KCNQ5: variants seen among roughly 807,000 people sequenced by gnomAD.
The protein encoded by KCNQ5 is potassium voltage-gated channel subfamily KQT member 5.
In KCNQ5, 30 loss-of-function variants were observed where a neutral mutation model predicts 98.2. That is an observed-to-expected ratio of 0.31 (90% CI 0.23 to 0.41). KCNQ5 has a LOEUF of 0.41. KCNQ5 is among the 10% of genes least tolerant of loss of function. The probability of loss-of-function intolerance (pLI) is 1.00; values close to 1 mark genes in which losing one functional copy is unlikely to be tolerated. For missense variants in KCNQ5, 835 were observed against 1,182.5 expected (o/e 0.71, Z 4.31); for synonymous variants, 458 against 449.4 (o/e 1.02, Z -0.24).
intron 1 of KCNQ5, among the ~76,000 whole-genome samples, chr6:72,787,794 G>A (rs1773832581): frequency 6.6e-6 from 1 of 152,112 alleles, no homozygotes; most frequent in South Asian, 2.1e-4. Flanking sequence ...AACTTAATCA[G>A]CTCCTCTATT....
At chr6:73,061,558 T>G (rs1339964611) in intron 3 of KCNQ5, among the ~76,000 whole-genome samples, 4 of 152,134 alleles carry the variant, frequency 2.6e-5, no homozygotes, top group African/African-American at 9.7e-5. Context: ...AGAGGGACAA[T>G]GCCAAAGATA....
At position 73,057,372 on chromosome 6, in the gene KCNQ5, C is replaced by T. The variant is rs970131488; in HGVS notation, c.616+15310C>T. Reference sequence around the variant, plus strand: ...GGAGGGATAGCATTAGGAGATATACCTAATGTAAATGACAAGTTAATGGGT... The same window carrying T: ...GGAGGGATAGCATTAGGAGATATACTTAATGTAAATGACAAGTTAATGGGT... On this transcript the variant is annotated intron_variant, in intron 3 of 13. Transcript: ENST00000370398. Among the ~76,000 whole-genome samples, 4 of 151,582 alleles carry T rather than the reference C, an allele frequency of 2.6e-5. No individual in the cohort carries two copies. The South Asian group carries it at 6.3e-4, about 24-fold the overall frequency.
At chr6:73,109,258 A>T (rs1007679299) in intron 6 of KCNQ5, among the ~76,000 whole-genome samples, 61 of 152,336 alleles carry the variant, frequency 4.0e-4, no homozygotes, top group African/African-American at 1.4e-3. Context: ...TTGGCAGATG[A>T]TAAATTTGTG....
chr6:72,716,406 C>G (rs9293898), intron 1 of KCNQ5, among the ~76,000 whole-genome samples: 55,567 of 152,106 alleles, frequency 0.37, 10,916 homozygotes, highest in South Asian at 0.51. Flanking sequence ...AAATTCTTAG[C>G]ATCAAGGAGG....
chr6:73,164,917 A>C (rs1409930726), intron 10 of KCNQ5, among the ~76,000 whole-genome samples: 1 of 152,188 alleles, frequency 6.6e-6, no homozygotes, highest in Non-Finnish European at 1.5e-5. Flanking sequence ...GATGAGGGAA[A>C]GCAGTCATAT....
chr6:73,166,717 G>GTTGC (rs1294754227), intron 10 of KCNQ5, among the ~76,000 whole-genome samples: 2 of 152,066 alleles, frequency 1.3e-5, no homozygotes, highest in African/African-American at 4.8e-5. Context: ...GCTCATTATG[G>GTTGC]TTGCTTCCTT....
At chr6:72,720,427 G>A (rs946741397) in intron 1 of KCNQ5, among the ~76,000 whole-genome samples, 7 of 152,030 alleles carry the variant, frequency 4.6e-5, no homozygotes, top group South Asian at 2.1e-4. Flanking sequence ...TGCTTCCTCC[G>A]TGGTTCTCAC....
intron 3 of KCNQ5, among the ~76,000 whole-genome samples, chr6:73,046,241 G>A (rs946338166): frequency 1.3e-5 from 2 of 151,930 alleles, no homozygotes; most frequent in African/African-American, 4.8e-5. Flanking sequence ...CTCTTCAATG[G>A]CATTATTTTC....
At chr6:73,118,751 G>A (rs1161856158) in intron 7 of KCNQ5, among the ~76,000 whole-genome samples, 2 of 152,204 alleles carry the variant, frequency 1.3e-5, no homozygotes, top group African/African-American at 4.8e-5. Context: ...GCCAGGCATG[G>A]TGGCTCATGC....
chr6:72,847,229 G>A (rs111742521), intron 1 of KCNQ5, among the ~76,000 whole-genome samples: 256 of 152,162 alleles, frequency 1.7e-3, no homozygotes, highest in African/African-American at 5.7e-3. Flanking sequence ...GTAATGGCAC[G>A]GTTTCAGCTC....
intron 1 of KCNQ5, among the ~76,000 whole-genome samples, chr6:72,998,182 G>A (rs2150317240): frequency 6.6e-6 from 1 of 152,300 alleles, no homozygotes; most frequent in Middle Eastern, 3.4e-3. Context: ...AAAGTGCTGT[G>A]CCAGCCAGTG....
At chr6:72,681,818 C>T (rs1304499533) in intron 1 of KCNQ5, among the ~76,000 whole-genome samples, 3 of 152,084 alleles carry the variant, frequency 2.0e-5, no homozygotes, top group Admixed American at 6.5e-5. Context: ...TCTTCAGTGC[C>T]CCTTTCTGAC....
intron 1 of KCNQ5, among the ~76,000 whole-genome samples, chr6:72,796,601 C>T (rs188887087): frequency 1.3e-5 from 2 of 152,274 alleles, no homozygotes; most frequent in East Asian, 1.9e-4. Context: ...CAGAGTAATG[C>T]AAAACACTCT....
intron 3 of KCNQ5, among the ~76,000 whole-genome samples, chr6:73,062,635 A>G (rs1232442426): frequency 6.6e-6 from 1 of 152,206 alleles, no homozygotes; most frequent in Non-Finnish European, 1.5e-5. Context: ...CCTTTGCCTC[A>G]GTTATCAGAG....
At chr6:72,875,292 G>C (rs1778365758) in intron 1 of KCNQ5, among the ~76,000 whole-genome samples, 1 of 152,068 alleles carries the variant, frequency 6.6e-6, no homozygotes, top group African/African-American at 2.4e-5. Context: ...ATTTAATTGA[G>C]CATTTTATCC....
intron 2 of KCNQ5, among the ~76,000 whole-genome samples, chr6:73,027,586 C>T (rs1018214445): frequency 2.6e-5 from 4 of 152,172 alleles, no homozygotes; most frequent in Non-Finnish European, 4.4e-5. Context: ...AATGAGATGG[C>T]TTGATTGTAA....
chr6:72,925,086 G>A (rs1299432169), intron 1 of KCNQ5, among the ~76,000 whole-genome samples: 1 of 152,114 alleles, frequency 6.6e-6, no homozygotes, highest in Non-Finnish European at 1.5e-5. Flanking sequence ...TGGACCTACT[G>A]TTGAAAATTC....
At position 73,194,563 on chromosome 6, in the gene KCNQ5, G is replaced by A. The variant is rs1765711848; in HGVS notation, c.1948G>A (p.Glu650Lys). Residue 650 changes from glutamate (E) to lysine (K), a missense_variant, in exon 14 of 14, where the codon GAA (glutamate) becomes AAA (lysine). Around this residue, in one of 10 missense-constraint regions of KCNQ5, gnomAD observed 416 missense variants for 446.9 expected, o/e 0.93. Coordinates refer to ENST00000370398, the MANE Select transcript of KCNQ5 (RefSeq NM_019842.4). ...GGCTTCATTCCAGATCCCACCTTTT[G>A]AATGTGAACAGACATCTGACTATCA... ...ALASFQIPPFECEQTSDYQSP... is the reference protein window; with the variant it reads ...ALASFQIPPFKCEQTSDYQSP... The A allele has an allele frequency of 1.9e-6, 3 of 1,614,154 alleles. No individual in the cohort carries two copies. The highest frequency in any genetic ancestry group is 1.7e-6 in the Non-Finnish European group (2 of 1,180,030).
chr6:72,774,918 C>T (rs1298855132), intron 1 of KCNQ5, among the ~76,000 whole-genome samples: 2 of 152,156 alleles, frequency 1.3e-5, no homozygotes, highest in African/African-American at 4.8e-5. Context: ...GCATTATCTA[C>T]TTGAGGTGAT....
Sources: gnomAD v4.1 joint callset for allele counts (sites outside exome capture counted in the v4.1 genomes callset) on GRCh38, gnomAD v4.1.1 for gene constraint, gnomAD v4.1.1 regional missense constraint, MANE v1.5 for transcripts, NCBI Gene and HGNC (gene_info 2026-07-23, HGNC 2026-07-21) for gene names.